Variants in MYO5B observed in about 807,000 individuals in gnomAD.
The protein encoded by MYO5B is unconventional myosin-Vb.
A neutral mutation model predicts 229.3 loss-of-function variants in MYO5B; 143 were observed. The ratio of observed to expected loss-of-function variants is 0.62; its 90% CI spans 0.54 to 0.72. The LOEUF is 0.72. Ranked by LOEUF, MYO5B falls within the 30% of genes least tolerant of loss-of-function variation. The probability of loss-of-function intolerance (pLI) is 0.00; values close to 1 mark genes in which losing one functional copy is unlikely to be tolerated. For missense variants in MYO5B, 2,321 were observed against 2,331.0 expected, an observed-to-expected ratio of 1.00 and a Z score of 0.09; for synonymous variants, 918 against 885.2, an observed-to-expected ratio of 1.04 and a Z score of -0.66.
At chr18:49,907,815 C>G in intron 18 of MYO5B, among the ~76,000 whole-genome samples, 1 of 152,382 alleles carries the variant, frequency 6.6e-6, no homozygotes, top group Middle Eastern at 3.4e-3. Flanking sequence ...CTGGGCCAGG[C>G]TGCTCGTGAA....
At chr18:49,926,593 C>G (rs1207520732) in intron 17 of MYO5B, among the ~76,000 whole-genome samples, 1 of 152,210 alleles carries the variant, frequency 6.6e-6, no homozygotes, top group Admixed American at 6.5e-5. Flanking sequence ...TCACCAGCCA[C>G]CCTTCACCCC....
At chr18:49,846,932 G>A (rs561814183) in intron 33 of MYO5B, among the ~76,000 whole-genome samples, 65 of 151,616 alleles carry the variant, frequency 4.3e-4, no homozygotes, top group African/African-American at 1.5e-3. Flanking sequence ...TCTTGCCATC[G>A]AGAATAGCAG....
chr18:49,946,671 G>C (rs1160048284), intron 14 of MYO5B, among the ~76,000 whole-genome samples: 3 of 2,210 alleles, frequency 1.4e-3, no homozygotes, highest in South Asian at 0.1. Context: ...GCTATAATCT[G>C]GAATCAACAT....
chr18:49,834,252 C>T (rs368378863), intron 39 of MYO5B, among the ~76,000 whole-genome samples: 2 of 152,142 alleles, frequency 1.3e-5, no homozygotes, highest in African/African-American at 4.8e-5. Context: ...CTTTGATAAA[C>T]CTCCATTTGG....
At chr18:50,011,196 G>C (rs937352569) in intron 4 of MYO5B, among the ~76,000 whole-genome samples, 1 of 152,102 alleles carries the variant, frequency 6.6e-6, no homozygotes, top group Non-Finnish European at 1.5e-5. Flanking sequence ...CCAAAAATTA[G>C]CCGGGCGTGG....
chr18:49,865,166 C>T (rs1217936728), intron 27 of MYO5B, among the ~76,000 whole-genome samples: 1 of 152,090 alleles, frequency 6.6e-6, no homozygotes, highest in Admixed American at 6.5e-5. Context: ...TGTTACAGAG[C>T]CATAGCATGA....
chr18:50,033,525 C>T (rs1201123071), intron 4 of MYO5B, among the ~76,000 whole-genome samples: 1 of 152,128 alleles, frequency 6.6e-6, no homozygotes, highest in Non-Finnish European at 1.5e-5. Context: ...TTCCTAGTGG[C>T]CAGTATTGAG....
At chr18:49,862,172 A>G (rs2024338701) in intron 29 of MYO5B, among the ~76,000 whole-genome samples, 1 of 151,962 alleles carries the variant, frequency 6.6e-6, no homozygotes, top group Admixed American at 6.6e-5. Context: ...TAATTTTTGT[A>G]TTTTTAGTAG....
At chr18:49,922,016 G>A (rs1050977981) in intron 17 of MYO5B, among the ~76,000 whole-genome samples, 40 of 152,128 alleles carry the variant, frequency 2.6e-4, no homozygotes, top group African/African-American at 9.2e-4. Context: ...GAATCACTTC[G>A]CTGTGTTGAG....
chr18:50,160,199 A>C (rs1165866765), intron 1 of MYO5B, among the ~76,000 whole-genome samples: 1 of 152,232 alleles, frequency 6.6e-6, no homozygotes, highest in Admixed American at 6.5e-5. Context: ...TATGACCCTA[A>C]CGTAGGGTCA....
intron 9 of MYO5B, among the ~76,000 whole-genome samples, 164 bp from the exon 10 acceptor site, chr18:49,974,779 T>TCACACACACACACACACACACACACA (rs111420791): frequency 2.5e-4 from 29 of 116,992 alleles, no homozygotes; most frequent in African/African-American, 3.4e-4. Flanking sequence ...GCAGTCTCTC[T>TCACACACACACACACACACACACACA]CACACACACA....
At chr18:50,063,021 CATTT>C (rs1477496302) in intron 1 of MYO5B, among the ~76,000 whole-genome samples, 1 of 152,132 alleles carries the variant, frequency 6.6e-6, no homozygotes, top group Non-Finnish European at 1.5e-5. Flanking sequence ...GTATCTGGCA[CATTT>C]TAAGTGCTTA....
At chr18:49,990,611 G>C (rs1405888949) in intron 6 of MYO5B, 91 bp from the exon 7 acceptor site, 3 of 1,046,162 alleles carry the variant, frequency 2.9e-6, no homozygotes, top group African/African-American at 1.6e-5. Context: ...CCAGGTGGTG[G>C]AGGCTGAGCC....
intron 1 of MYO5B, among the ~76,000 whole-genome samples, chr18:50,186,743 G>A (rs955353211): frequency 6.6e-6 from 1 of 152,188 alleles, no homozygotes; most frequent in East Asian, 1.9e-4. Context: ...TAAGCCTCCA[G>A]TAACCTTCCC....
rs1267344840 is a variant in MYO5B, at chr18:49,826,631, G to A, written c.5395-8C>T. The A allele has an allele frequency of 1.9e-6, 3 of 1,612,552 alleles. No homozygotes were observed. Among genetic ancestry groups the A allele is most frequent in the East Asian group, 2.2e-5 (1 of 44,896 alleles). ...CCGCTCTTGTAGTTGTGCCTATGGG[G>A]AAGAATAAGACCATGTAAAGTTTGA... is the stretch of plus-strand genomic sequence containing the variant. On this transcript the variant is annotated splice_region_variant and splice_polypyrimidine_tract_variant and intron_variant, in intron 39 of 39. Coordinates refer to ENST00000285039, the MANE Select transcript of MYO5B (RefSeq NM_001080467.3).
rs769077795 is a variant in MYO5B, at chr18:49,826,648, A to G, written c.5395-25T>C. The G allele has an allele frequency of 1.1e-5, 18 of 1,611,858 alleles. No individual in the cohort carries two copies. In the Admixed American group the frequency reaches 2.3e-4, roughly 21 times the overall value. On this transcript the variant is annotated intron_variant, in intron 39 of 39. Coordinates refer to ENST00000285039, the MANE Select transcript of MYO5B (RefSeq NM_001080467.3). ...CCTATGGGGAAGAATAAGACCATGT[A>G]AAGTTTGAGTACCCCTAAAAATAGC...
intron 14 of MYO5B, among the ~76,000 whole-genome samples, chr18:49,952,751 T>C (rs2025443286): frequency 6.6e-6 from 1 of 152,182 alleles, no homozygotes. Flanking sequence ...GTAGTAGATT[T>C]AAGTGTTCCT....
intron 1 of MYO5B, among the ~76,000 whole-genome samples, chr18:50,174,656 A>G (rs527445674): frequency 5.3e-5 from 8 of 152,310 alleles, no homozygotes; most frequent in African/African-American, 1.9e-4. Context: ...GGAAAAGCAG[A>G]AGCCAGCCAT....
chr18:49,835,463 T>TGAAC, intron 38 of MYO5B, 39 bp from the exon 39 acceptor site: 1 of 1,315,944 alleles, frequency 7.6e-7, no homozygotes, highest in Non-Finnish European at 1.1e-6. Flanking sequence ...CAGAGCTAAA[T>TGAAC]GAACATGAGA....
Sources: gnomAD v4.1 joint callset for allele counts (sites outside exome capture counted in the v4.1 genomes callset) on GRCh38, gnomAD v4.1.1 for gene constraint, MANE v1.5 for transcripts, NCBI Gene and HGNC (gene_info 2026-07-23, HGNC 2026-07-21) for gene names.